The following SNAP23 variants were observed in gnomAD, a reference collection of about 807,000 sequenced individuals.
SNAP23 encodes synaptosomal-associated protein 23.
In SNAP23, 11 loss-of-function variants were observed where a neutral mutation model predicts 29.0. That is an observed-to-expected ratio of 0.38 (90% CI 0.24 to 0.63). The LOEUF (loss-of-function observed/expected upper bound fraction) is 0.63, where lower values mean the gene tolerates loss of function less well. Among genes scored for constraint, SNAP23 ranks in the 20% least tolerant of loss-of-function variants. The pLI is 0.58. For synonymous variants in SNAP23, 60 were observed against 82.9 expected, an observed-to-expected ratio of 0.72 and a Z score of 1.50; for missense variants, 220 against 253.9, an observed-to-expected ratio of 0.87 and a Z score of 0.91.
intron 1 of SNAP23, among the ~76,000 whole-genome samples, chr15:42,510,010 A>G (rs929212414): frequency 2.6e-5 from 4 of 152,198 alleles, no homozygotes; most frequent in Non-Finnish European, 4.4e-5. Context: ...CAGAAGGTGC[A>G]GTGAGTCAGG....
intron 1 of SNAP23, among the ~76,000 whole-genome samples, chr15:42,507,651 G>T (rs961378536): frequency 6.6e-6 from 1 of 152,100 alleles, no homozygotes; most frequent in Non-Finnish European, 1.5e-5. Flanking sequence ...TCCTGATTCC[G>T]TAAGGAAAAT....
chr15:42,495,490 C>A (rs373761385), upstream of SNAP23: 1 of 152,288 alleles, frequency 6.6e-6, no homozygotes, highest in Non-Finnish European at 1.5e-5. Context: ...TGAAATCTAT[C>A]CGGTTAACTA....
At chr15:42,525,807 ATTCT>A (rs745662894) in intron 5 of SNAP23, among the ~76,000 whole-genome samples, 1 of 152,082 alleles carries the variant, frequency 6.6e-6, no homozygotes, top group Non-Finnish European at 1.5e-5. Flanking sequence ...AACCAATCTG[ATTCT>A]TTGTTTATAG....
chr15:42,528,023 T>C (rs966732057), intron 5 of SNAP23: 18 of 411,942 alleles, frequency 4.4e-5, no homozygotes, highest in African/African-American at 3.3e-4. Flanking sequence ...CTAGTGAAGA[T>C]TTGGTAGAAG....
chr15:42,521,493 A>G, intron 5 of SNAP23: 2 of 1,355,642 alleles, frequency 1.5e-6, no homozygotes, highest in Middle Eastern at 2.4e-4. Flanking sequence ...AGGAAATTGA[A>G]TGCATTATGT....
chr15:42,513,434 G>A lies in SNAP23; in HGVS notation c.135G>A (p.Leu45=). ...CAGGAATCAAGACCATCACTATGCT[G>A]GATGAACAAAAGGGTAAGTTAAATT... ...QDAGIKTITM[L]DEQKEQLNRI... Residue 45 remains leucine (L), a synonymous_variant, in exon 4 of 8, where the codon CTG becomes CTA. Coordinates refer to ENST00000249647, the MANE Select transcript of SNAP23 (RefSeq NM_003825.4). 1 of 1,613,350 alleles carries A rather than the reference G, an allele frequency of 6.2e-7. No individual in the cohort carries two copies. The highest frequency in any genetic ancestry group is 8.5e-7 in the Non-Finnish European group (1 of 1,179,380).
chr15:42,502,583 G>T (rs1216550113), intron 1 of SNAP23, among the ~76,000 whole-genome samples: 1 of 152,120 alleles, frequency 6.6e-6, no homozygotes, highest in Non-Finnish European at 1.5e-5. Context: ...CTATGTGGAT[G>T]GTTTCGGTGA....
chr15:42,522,306 G>C (rs1334176068), intron 5 of SNAP23, among the ~76,000 whole-genome samples: 1 of 152,094 alleles, frequency 6.6e-6, no homozygotes, highest in African/African-American at 2.4e-5. Flanking sequence ...CTCTACATAT[G>C]TTATAAACTA....
upstream of SNAP23, chr15:42,491,372 C>A (rs968193774): frequency 4.4e-4 from 67 of 152,550 alleles, no homozygotes; most frequent in African/African-American, 1.5e-3. Flanking sequence ...CTTGTTCTTT[C>A]CCGGCCTCCC....
chr15:42,497,204 ATTTTTTT>A (rs1192101985), intron 1 of SNAP23, among the ~76,000 whole-genome samples: 45 of 104,290 alleles, frequency 4.3e-4, no homozygotes, highest in Non-Finnish European at 7.3e-4. Context: ...AACCTGGCTA[ATTTTTTT>A]TTTTTTTTTT....
chr15:42,513,071 T>C (rs2057369609), intron 3 of SNAP23, 75 bp downstream of exon 3: 1 of 1,048,426 alleles, frequency 9.5e-7, no homozygotes, highest in East Asian at 2.4e-5. Flanking sequence ...CTGGAATTAG[T>C]ATTAAAGGGT....
intron 5 of SNAP23, among the ~76,000 whole-genome samples, chr15:42,524,851 G>C (rs892070971): frequency 6.6e-6 from 1 of 152,180 alleles, no homozygotes; most frequent in Non-Finnish European, 1.5e-5. Flanking sequence ...CTTAAAAACA[G>C]GTTCCAACTT....
chr15:42,494,817 T>G (rs2057202717), upstream of SNAP23, among the ~76,000 whole-genome samples: 1 of 152,086 alleles, frequency 6.6e-6, no homozygotes, highest in African/African-American at 2.4e-5. Context: ...CTGTGCCTGG[T>G]GAAGCACTTT....
At chr15:42,519,943 A>G (rs1365094816) in intron 5 of SNAP23, among the ~76,000 whole-genome samples, 3 of 151,930 alleles carry the variant, frequency 2.0e-5, no homozygotes, top group Non-Finnish European at 4.4e-5. Context: ...CTTAAACAGT[A>G]GCCTTAATAT....
At chr15:42,500,207 C>A (rs2141501126) in intron 1 of SNAP23, among the ~76,000 whole-genome samples, 1 of 128,452 alleles carries the variant, frequency 7.8e-6, no homozygotes, top group Admixed American at 9.1e-5. Context: ...TTATCTGCAA[C>A]ACTCTGGACA....
intron 7 of SNAP23, among the ~76,000 whole-genome samples, chr15:42,530,957 C>T (rs1023133158): frequency 3.3e-5 from 5 of 152,048 alleles, no homozygotes; most frequent in African/African-American, 1.2e-4. Flanking sequence ...GTAATAGATT[C>T]GTTTCAAAGA....
At chr15:42,524,374 C>T (rs190243153) in intron 5 of SNAP23, among the ~76,000 whole-genome samples, 14 of 152,088 alleles carry the variant, frequency 9.2e-5, no homozygotes, top group African/African-American at 7.2e-5. Flanking sequence ...GGCCCTCAAC[C>T]CCCCCAGCCA....
chr15:42,524,071 C>T (rs2057473389), intron 5 of SNAP23, among the ~76,000 whole-genome samples: 2 of 152,136 alleles, frequency 1.3e-5, no homozygotes, highest in Admixed American at 1.3e-4. Context: ...CCACCTCGGC[C>T]TCCCAAAGTG....
chr15:42,515,372 G>C lies in SNAP23; in HGVS notation c.266+18G>C. The C allele has an allele frequency of 1.3e-6, 2 of 1,497,202 alleles. No homozygotes were observed. Among genetic ancestry groups the C allele is most frequent in the Non-Finnish European group, 1.8e-6 (2 of 1,082,202 alleles). The allele number at this position is 1,497,202 out of a possible 1,614,324, so 92.7% of individuals were successfully genotyped here. On this transcript the variant is annotated intron_variant, in intron 5 of 7. Coordinates refer to ENST00000249647, the MANE Select transcript of SNAP23 (RefSeq NM_003825.4). ...TGTAATAGGTGAGTTGATAAATTAA[G>C]ATGGTTTCAAAATAAGTAATGAGAG...
Sources: allele counts gnomAD v4.1 joint callset (sites outside exome capture counted in the v4.1 genomes callset), GRCh38; gene constraint gnomAD v4.1.1; transcripts MANE v1.5; gene names NCBI Gene and HGNC (gene_info 2026-07-23, HGNC 2026-07-21).